The following PVR variants were observed in gnomAD, a reference collection of about 807,000 sequenced individuals.
PVR encodes poliovirus receptor.
A neutral mutation model predicts 43.3 loss-of-function variants in PVR; 39 were observed. That is an observed-to-expected ratio of 0.90 (90% confidence interval 0.70 to 1.18). The LOEUF is 1.18. PVR is among the 50% of genes most tolerant of loss of function. The pLI is 0.00. For missense variants in PVR, 480 were observed against 549.7 expected, an observed-to-expected ratio of 0.87 and a Z score of 1.27; for synonymous variants, 224 against 233.2, an observed-to-expected ratio of 0.96 and a Z score of 0.36.
At position 44,647,442 on chromosome 19, in the gene PVR, G is replaced by A. The variant is rs747611650; in HGVS notation, c.299G>A (p.Gly100Asp). The A allele has an allele frequency of 1.2e-6, 2 of 1,614,094 alleles. No individual in the cohort carries two copies. The highest frequency in any genetic ancestry group is 1.7e-4 in the Middle Eastern group (1 of 6,060). ...CTGGAATTCGTGGCAGCCAGACTGGGCGCGGAGCTGCGGAATGCCTCGCTG... is the reference window on the plus strand; with the variant it reads ...CTGGAATTCGTGGCAGCCAGACTGGACGCGGAGCTGCGGAATGCCTCGCTG... ...KRLEFVAARL[G>D]AELRNASLRM... Residue 100 changes from glycine to aspartate, a missense_variant, in exon 2 of 8, where the codon GGC becomes GAC. Coordinates refer to ENST00000425690, the MANE Select transcript of PVR (RefSeq NM_006505.5).
intron 3 of PVR, 33 bp from the exon 4 acceptor site, chr19:44,653,867 C>T: frequency 1.3e-6 from 2 of 1,487,102 alleles, no homozygotes; most frequent in East Asian, 4.5e-5. Context: ...CAAAGCCTCC[C>T]AGTCTCTGAA....
intron 5 of PVR, 87 bp downstream of exon 5, chr19:44,657,997 C>T: frequency 7.1e-7 from 1 of 1,414,776 alleles, no homozygotes; most frequent in Non-Finnish European, 9.6e-7. Context: ...GGCTCCCATC[C>T]TTCTCCTAAG....
chr19:44,647,099 GGT>G, intron 1 of PVR, 122 bp from the exon 2 acceptor site: 3 of 36,340 alleles, frequency 8.3e-5, no homozygotes, highest in Non-Finnish European at 1.5e-4. Flanking sequence ...CACACCCCAC[GGT>G]CCACCGGGGA....
intron 1 of PVR, 66 bp from the exon 2 acceptor site, chr19:44,647,157 T>G: frequency 8.9e-7 from 1 of 1,117,328 alleles, no homozygotes; most frequent in Non-Finnish European, 1.2e-6. Flanking sequence ...CCCGGGCTCC[T>G]GGAGCCCCTC....
intron 5 of PVR, 76 bp downstream of exon 5, chr19:44,657,986 T>C: frequency 6.8e-7 from 1 of 1,476,146 alleles, no homozygotes; most frequent in Non-Finnish European, 9.2e-7. Flanking sequence ...TAATGCTCTC[T>C]GGCTCCCATC....
In PVR at chr19:44,649,860, C is replaced by G. The variant is rs374436051; in HGVS notation, c.479C>G (p.Pro160Arg). Residue 160 changes from proline to arginine, a missense_variant, in exon 3 of 8, where the codon CCA (proline) becomes CGA (arginine). Coordinates refer to ENST00000425690, the MANE Select transcript of PVR (RefSeq NM_006505.5). ...CAGAAGGTCCAGCTCACTGGAGAGC[C>G]AGTGCCCATGGCCCGCTGCGTCTCC... ...EVQKVQLTGE[P>R]VPMARCVSTG... is the part of the protein sequence containing the mutation. 1.4e-5 allele frequency: 22 copies of G among 1,614,026 alleles called. No homozygotes were observed. The African/African-American group carries it at 2.8e-4, about 21-fold the overall frequency.
rs576106007 is a variant in PVR at position 44,655,186 on chromosome 19, G to C, written c.842+1169G>C. ...GCAGCCTGGACCTCCCTGGGCTCAG[G>C]TGATCCTCCCACCTCAGCCTCCTGA... On this transcript the variant is annotated intron_variant, in intron 4 of 7. Transcript: ENST00000425690. 4.0e-4 allele frequency among the ~76,000 whole-genome samples: 61 copies of C among 152,240 alleles called. 2 individuals carry two copies. In the East Asian group the frequency reaches 6.2e-3, roughly 15 times the overall value.
intron 6 of PVR, among the ~76,000 whole-genome samples, 159 bp from the exon 7 acceptor site, chr19:44,661,133 C>T (rs1281474445): frequency 6.6e-6 from 1 of 152,140 alleles, no homozygotes; most frequent in African/African-American, 2.4e-5. Context: ...ACCCTCCATC[C>T]CTGTCTGACA....
At chr19:44,649,433 T>TTC (rs1282479788) in intron 2 of PVR, among the ~76,000 whole-genome samples, 1 of 148,744 alleles carries the variant, frequency 6.7e-6, no homozygotes, top group East Asian at 2.0e-4. Flanking sequence ...GTATCTTTTT[T>TTC]TTTTTTTTTT....
chr19:44,656,563 C>G (rs973922910), intron 4 of PVR, among the ~76,000 whole-genome samples: 4 of 152,158 alleles, frequency 2.6e-5, no homozygotes, highest in African/African-American at 7.2e-5. Flanking sequence ...TAAAACAGAC[C>G]AAATTTCCTC....
rs2123777460 is a variant in PVR, at chr19:44,664,930, A to G, written c.*3119A>G. On this transcript the variant is annotated 3_prime_UTR_variant, in exon 8 of 8. Transcript: ENST00000425690. ...AGGTGGAATTGCTGGGCCAAAGAGTATGTTTCTTGTCATTGTGATAGATAT... is the reference window on the plus strand; with the variant it reads ...AGGTGGAATTGCTGGGCCAAAGAGTGTGTTTCTTGTCATTGTGATAGATAT... The G allele has an allele frequency of 6.6e-6, 1 of 152,198 alleles. No individual in the cohort carries two copies. Among genetic ancestry groups the G allele is most frequent in the Non-Finnish European group, 1.5e-5 (1 of 68,014 alleles). 9.4% of individuals were successfully genotyped at this position (152,198 alleles called of 1,614,324 possible).
intron 6 of PVR, among the ~76,000 whole-genome samples, chr19:44,660,882 C>T (rs781259646): frequency 3.3e-5 from 5 of 152,122 alleles, no homozygotes; most frequent in Non-Finnish European, 5.9e-5. Context: ...CTAGAATGTA[C>T]CTGGCACAAA....
At chr19:44,660,196 G>A (rs897634966) in intron 6 of PVR, among the ~76,000 whole-genome samples, 1 of 152,220 alleles carries the variant, frequency 6.6e-6, no homozygotes, top group Non-Finnish European at 1.5e-5. Flanking sequence ...CTACCACTGG[G>A]CCGGGCATAA....
chr19:44,661,013 G>T (rs1973576448), intron 6 of PVR, among the ~76,000 whole-genome samples: 3 of 152,164 alleles, frequency 2.0e-5, no homozygotes, highest in Admixed American at 2.0e-4. Context: ...AGCTCCTAAA[G>T]GACAGAGATG....
chr19:44,664,335 A>C lies in PVR; in HGVS notation c.*2524A>C, dbSNP rs1973657984. 1 of 151,816 alleles carries C rather than the reference A, an allele frequency of 6.6e-6. No individual in the cohort carries two copies. Among genetic ancestry groups the C allele is most frequent in the African/African-American group, 2.4e-5 (1 of 41,288 alleles). 9.4% of individuals were successfully genotyped at this position (151,816 alleles called of 1,614,324 possible). A position where few individuals can be genotyped will look rare whatever the true frequency, so the allele number is the denominator to read the frequency against. On this transcript the variant is annotated 3_prime_UTR_variant, in exon 8 of 8. Coordinates refer to ENST00000425690, the MANE Select transcript of PVR (RefSeq NM_006505.5). ...GCTATCCTTCCATCTCAGCCTCCCG[A>C]GTAGCTGGGACTATAGGTGGGCGCC...
intron 1 of PVR, among the ~76,000 whole-genome samples, chr19:44,644,719 CT>C (rs11362724): frequency 0.01 from 1,369 of 135,900 alleles, 8 homozygotes; most frequent in African/African-American, 0.028. Context: ...TTCTTTCATT[CT>C]TTTTTTTTTT....
chr19:44,647,083 T>TCCCCCCCCCCCCCCCCCC, intron 1 of PVR, 140 bp from the exon 2 acceptor site: 5 of 30,342 alleles, frequency 1.6e-4, no homozygotes, highest in East Asian at 1.2e-3. Flanking sequence ...CAGTTCCCCC[T>TCCCCCCCCCCCCCCCCCC]CCCCCCACAC....
rs761911325 is a variant in PVR at position 44,649,782 on chromosome 19, A to G, written c.428-27A>G. 8 of 1,610,048 alleles carry G rather than the reference A, an allele frequency of 5.0e-6. No homozygotes were observed. In the Admixed American group the frequency reaches 5.0e-5, roughly 10 times the overall value. On this transcript the variant is annotated intron_variant, in intron 2 of 7. Coordinates refer to ENST00000425690, the MANE Select transcript of PVR (RefSeq NM_006505.5). ...CTGCCACGGAGGGGTTCATTGAATGACTTGTTGCTTTTGTTCCTCTTCCCA... is the reference window on the plus strand; with the variant it reads ...CTGCCACGGAGGGGTTCATTGAATGGCTTGTTGCTTTTGTTCCTCTTCCCA...
intron 5 of PVR, 83 bp downstream of exon 5, chr19:44,657,993 C>G: frequency 7.0e-7 from 1 of 1,426,336 alleles, no homozygotes; most frequent in Non-Finnish European, 9.6e-7. Context: ...CTCTGGCTCC[C>G]ATCCTTCTCC....
Sources: allele counts gnomAD v4.1 joint callset (sites outside exome capture counted in the v4.1 genomes callset), GRCh38; gene constraint gnomAD v4.1.1; transcripts MANE v1.5; gene names NCBI Gene and HGNC (gene_info 2026-07-23, HGNC 2026-07-21).